HEMK1: variants seen among roughly 807,000 people sequenced by gnomAD.
HEMK1 encodes the protein MTRF1L release factor glutamine methyltransferase.
HEMK1 carries 36 observed loss-of-function variants against 47.9 expected under a neutral mutation model. The observed-to-expected ratio is 0.75, with a 90% confidence interval of 0.58 to 0.99. The LOEUF (loss-of-function observed/expected upper bound fraction) is 0.99. Ranked by LOEUF, HEMK1 falls within the 50% of genes least tolerant of loss-of-function variation. HEMK1 has a pLI of 0.00. For synonymous variants in HEMK1, 153 were observed against 165.4 expected, an observed-to-expected ratio of 0.93 and a Z score of 0.57; for missense variants, 383 against 434.5, an observed-to-expected ratio of 0.88 and a Z score of 1.05.
chr3:50,575,122 C>T (rs1701427885), intron 4 of HEMK1, among the ~76,000 whole-genome samples: 1 of 152,026 alleles, frequency 6.6e-6, no homozygotes, highest in Non-Finnish European at 1.5e-5. Context: ...TTGCCCATCA[C>T]TTAGAAAGTA....
At position 50,571,132 on chromosome 3, in the gene HEMK1, G is replaced by T. The variant is rs745916747; in HGVS notation, c.28G>T (p.Ala10Ser). 6.2e-7 allele frequency: 1 copy of T among 1,607,418 alleles called. No individual in the cohort carries two copies. Among genetic ancestry groups the T allele is most frequent in the Non-Finnish European group, 8.5e-7 (1 of 1,176,842 alleles). The change falls in exon 2 of 11, where the codon GCC (alanine) becomes TCC (serine). Residue 10 changes from alanine to serine, a missense_variant. By Grantham distance (99) the Ala-to-Ser change is moderately conservative. Transcript: ENST00000232854. MELWGRMLW[A>S]LLSGPGRRGS... ...GGAGCTTTGGGGCCGAATGCTGTGG[G>T]CCCTCCTGTCTGGCCCAGGGAGGAG...
At chr3:50,577,008 G>C (rs747631044) in intron 4 of HEMK1, 44 bp from the exon 5 acceptor site, 5 of 1,610,674 alleles carry the variant, frequency 3.1e-6, no homozygotes, top group Non-Finnish European at 4.2e-6. Flanking sequence ...ACCCCCAGGA[G>C]CCACGTTGGC....
In HEMK1 at chr3:50,589,901, A is replaced by C. The variant is rs2031628819; in HGVS notation, c.*9484A>C. 6.6e-6 allele frequency: 1 copy of C among 151,944 alleles called. No homozygotes were observed. The highest frequency in any genetic ancestry group is 2.1e-4 in the South Asian group (1 of 4,820). The allele number at this position is 151,944 out of a possible 1,614,324, so 9.4% of individuals were successfully genotyped here. ...AACAAGAGCAAAACTCTGTCTCAAA[A>C]ATAATAATAATAGGCCAGGCGCAGT... is the stretch of plus-strand genomic sequence containing the variant. On this transcript the variant is annotated 3_prime_UTR_variant, in exon 11 of 11. Coordinates refer to ENST00000232854, the MANE Select transcript of HEMK1 (RefSeq NM_016173.5).
chr3:50,572,108 T>A lies in HEMK1; in HGVS notation c.321-7T>A. On this transcript the variant is annotated splice_region_variant and splice_polypyrimidine_tract_variant and intron_variant, in intron 3 of 10. Coordinates refer to ENST00000232854, the MANE Select transcript of HEMK1 (RefSeq NM_016173.5). Reference sequence around the variant, plus strand: ...CCCTGATGACCACCCAGCTGCCCCCTCTGCAGGATGCCGGTGCAGTACATC... The same window carrying A: ...CCCTGATGACCACCCAGCTGCCCCCACTGCAGGATGCCGGTGCAGTACATC... 1.2e-6 allele frequency: 2 copies of A among 1,613,878 alleles called. No individual in the cohort carries two copies. Among genetic ancestry groups the A allele is most frequent in the Non-Finnish European group, 1.7e-6 (2 of 1,179,914 alleles).
At chr3:50,572,961 G>A (rs1171173832) in intron 4 of HEMK1, among the ~76,000 whole-genome samples, 1 of 152,234 alleles carries the variant, frequency 6.6e-6, no homozygotes, top group Non-Finnish European at 1.5e-5. Flanking sequence ...GTTCTGAGAA[G>A]GAGTGTTTCT....
At chr3:50,572,815 G>C (rs1462619246) in intron 4 of HEMK1, among the ~76,000 whole-genome samples, 1 of 152,228 alleles carries the variant, frequency 6.6e-6, no homozygotes, top group African/African-American at 2.4e-5. Context: ...AAGGCACCCT[G>C]GTCCTGGAAG....
rs897216113 is a variant in HEMK1, at chr3:50,592,759, T to G, written c.*12342T>G. ...AGTCACCACCTGCCCCCAACCCTAC[T>G]TCTCCTCCGAAGGCCCAACAAGGTC... On this transcript the variant is annotated 3_prime_UTR_variant, in exon 11 of 11. Coordinates refer to ENST00000232854, the MANE Select transcript of HEMK1 (RefSeq NM_016173.5). 8 of 152,386 alleles carry G rather than the reference T, an allele frequency of 5.2e-5. No homozygotes were observed. The highest frequency in any genetic ancestry group is 1.9e-4 in the African/African-American group (8 of 41,428). The allele number at this position is 152,386 out of a possible 1,614,324, so 9.4% of individuals were successfully genotyped here.
Position 50,571,808 on chromosome 3 carries a change from A to C in HEMK1, c.320+7A>C. 1 of 1,612,790 alleles carries C rather than the reference A, an allele frequency of 6.2e-7. No homozygotes were observed. Among genetic ancestry groups the C allele is most frequent in the Non-Finnish European group, 8.5e-7 (1 of 1,178,844 alleles). On this transcript the variant is annotated splice_region_variant and intron_variant, in intron 3 of 10. Coordinates refer to ENST00000232854, the MANE Select transcript of HEMK1 (RefSeq NM_016173.5). ...GTAGCCGTCGATTGCAGAGGTGAGC[A>C]CCCATGGATCAGACCTGAAGGATGT...
intron 8 of HEMK1, among the ~76,000 whole-genome samples, chr3:50,579,380 T>C (rs1414081562): frequency 6.6e-6 from 1 of 152,126 alleles, no homozygotes; most frequent in African/African-American, 2.4e-5. Context: ...CCAGGCTAGC[T>C]TTGTGCCAGG....
intron 7 of HEMK1, among the ~76,000 whole-genome samples, chr3:50,578,142 G>C (rs978021408): frequency 6.6e-6 from 1 of 152,206 alleles, no homozygotes; most frequent in Non-Finnish European, 1.5e-5. Context: ...CACAACCAAT[G>C]AGTTAAGGGC....
Position 50,588,442 on chromosome 3 carries a change from C to T in HEMK1, c.*8025C>T, listed in dbSNP as rs2031524328. 6.6e-6 allele frequency: 1 copy of T among 152,264 alleles called. No individual in the cohort carries two copies. The highest frequency in any genetic ancestry group is 2.4e-5 in the African/African-American group (1 of 41,460). The allele number at this position is 152,264 out of a possible 1,614,324, so 9.4% of individuals were successfully genotyped here. A position where few individuals can be genotyped will look rare whatever the true frequency, so the allele number is the denominator to read the frequency against. ...CCAAATGCAGCCCAGGGCCTCAACC[C>T]CCCAGAGGGGCCTCAGGAGCCAGTT... On this transcript the variant is annotated 3_prime_UTR_variant, in exon 11 of 11. Coordinates refer to ENST00000232854, the MANE Select transcript of HEMK1 (RefSeq NM_016173.5).
chr3:50,571,455 C>A, intron 2 of HEMK1, 123 bp downstream of exon 2: 2 of 742,468 alleles, frequency 2.7e-6, no homozygotes, highest in East Asian at 2.7e-5. Flanking sequence ...TCTGAAGGAA[C>A]GTCTTAGCGC....
intron 10 of HEMK1, 46 bp from the exon 11 acceptor site, chr3:50,580,335 T>C (rs1281010665): frequency 1.2e-6 from 2 of 1,613,048 alleles, no homozygotes; most frequent in Non-Finnish European, 1.7e-6. Context: ...TCCTGTTCAT[T>C]CCCTGAGGCC....
rs1332300030 is a variant in HEMK1, at chr3:50,592,488, T to C, written c.*12071T>C. The C allele has an allele frequency of 6.6e-6, 1 of 152,290 alleles. No homozygotes were observed. The highest frequency in any genetic ancestry group is 1.5e-5 in the Non-Finnish European group (1 of 68,066). The allele number at this position is 152,290 out of a possible 1,614,324, so 9.4% of individuals were successfully genotyped here. A position where few individuals can be genotyped will look rare whatever the true frequency, so the allele number is the denominator to read the frequency against. On this transcript the variant is annotated 3_prime_UTR_variant, in exon 11 of 11. Coordinates refer to ENST00000232854, the MANE Select transcript of HEMK1 (RefSeq NM_016173.5). The stretch of plus-strand genomic sequence containing the variant: ...TTCAGCCTTCCAAATTTTACTCAAA[T>C]GCTTCTACTTTCTCTGACCCTCTGG...
rs771587887 is a variant in HEMK1, at chr3:50,575,650, A to C, written c.415-1402A>C. Among the ~76,000 whole-genome samples, 2 of 152,120 alleles carry C rather than the reference A, an allele frequency of 1.3e-5. 1 individual carries two copies. The highest frequency in any genetic ancestry group is 4.1e-4 in the South Asian group (2 of 4,830). ...TTGAGGAAGGCTTTCTGGAATAGGT[A>C]GTCCTCTTTTCAGATCAGGGAAGCA... On this transcript the variant is annotated intron_variant, in intron 4 of 10. Coordinates refer to ENST00000232854, the MANE Select transcript of HEMK1 (RefSeq NM_016173.5).
chr3:50,573,039 G>A (rs956319507), intron 4 of HEMK1, among the ~76,000 whole-genome samples: 3 of 152,312 alleles, frequency 2.0e-5, no homozygotes, highest in African/African-American at 7.2e-5. Context: ...TGGCCAGGGG[G>A]CCCCAAACCC....
intron 1 of HEMK1, chr3:50,570,710 G>A (rs1700854627): frequency 1.2e-5 from 2 of 165,198 alleles, no homozygotes; most frequent in African/African-American, 4.8e-5. Flanking sequence ...CCACCAACCC[G>A]TTTATTAGCA....
In HEMK1 at chr3:50,583,372, A is replaced by G. The variant is rs921710645; in HGVS notation, c.*2955A>G. 6.6e-6 allele frequency: 1 copy of G among 152,130 alleles called. No individual in the cohort carries two copies. The highest frequency in any genetic ancestry group is 2.4e-5 in the African/African-American group (1 of 41,428). 9.4% of individuals were successfully genotyped at this position (152,130 alleles called of 1,614,324 possible). ...TTGGCTGCTCCCAATCCTTGCCCCA[A>G]ACACTTAGCTGGCTCCCCATGACTT... is the stretch of plus-strand genomic sequence containing the variant. On this transcript the variant is annotated 3_prime_UTR_variant, in exon 11 of 11. Coordinates refer to ENST00000232854, the MANE Select transcript of HEMK1 (RefSeq NM_016173.5).
intron 4 of HEMK1, 122 bp from the exon 5 acceptor site, chr3:50,576,930 T>C (rs2232249): frequency 2.5e-6 from 3 of 1,178,742 alleles, no homozygotes; most frequent in Non-Finnish European, 3.7e-6. Context: ...GACATGAAGG[T>C]CAGTCTGGCT....
Sources: allele counts gnomAD v4.1 joint callset (sites outside exome capture counted in the v4.1 genomes callset), GRCh38; gene constraint gnomAD v4.1.1; transcripts MANE v1.5; gene names NCBI Gene and HGNC (gene_info 2026-07-23, HGNC 2026-07-21).